ANO10: variants seen among roughly 807,000 people sequenced by gnomAD.
The protein encoded by ANO10 is anoctamin-10.
A neutral mutation model predicts 74.7 loss-of-function variants in ANO10; 77 were observed. That is an observed-to-expected ratio of 1.03 (90% confidence interval 0.86 to 1.25). The LOEUF is 1.25. Ranked by LOEUF, ANO10 falls within the 50% of genes most tolerant of loss-of-function variation. The probability of loss-of-function intolerance (pLI) is 0.00; values close to 1 mark genes in which losing one functional copy is unlikely to be tolerated. For missense variants in ANO10, 721 were observed against 778.1 expected, an observed-to-expected ratio of 0.93 and a Z score of 0.87; for synonymous variants, 279 against 284.9, an observed-to-expected ratio of 0.98 and a Z score of 0.21.
intron 9 of ANO10, among the ~76,000 whole-genome samples, chr3:43,556,372 T>C (rs2079749629): frequency 6.6e-6 from 1 of 152,190 alleles, no homozygotes; most frequent in South Asian, 2.1e-4. Context: ...CTGAAAATCA[T>C]GCAAAGGCCT....
intron 11 of ANO10, among the ~76,000 whole-genome samples, chr3:43,470,241 C>T (rs759860785): frequency 6.6e-6 from 1 of 152,146 alleles, no homozygotes; most frequent in Non-Finnish European, 1.5e-5. Context: ...GAAAAGGCTA[C>T]CTACTGAATG....
At chr3:43,595,675 G>GT (rs1306502344) in intron 4 of ANO10, among the ~76,000 whole-genome samples, 1 of 152,110 alleles carries the variant, frequency 6.6e-6, no homozygotes, top group African/African-American at 2.4e-5. Context: ...GGCAAAAACT[G>GT]TAAGTATTCC....
upstream of ANO10, among the ~76,000 whole-genome samples, chr3:43,622,952 G>T (rs565968618): frequency 1.2e-4 from 19 of 152,270 alleles, 2 homozygotes; most frequent in South Asian, 3.5e-3. Flanking sequence ...TGCAACCTCC[G>T]CCTCCCGGGT....
In ANO10 at chr3:43,403,733, A is replaced by C. The variant is rs868754498; in HGVS notation, c.1914+28878T>G. Among the ~76,000 whole-genome samples, 6 of 152,384 alleles carry C rather than the reference A, an allele frequency of 3.9e-5. 1 individual carries two copies. In the South Asian group the frequency reaches 1.2e-3, roughly 32 times the overall value. ...TATTTTAAATAGGCTTGGTCAGCTT[A>C]CCTATAAGCTTAACTATAAATATCA... On this transcript the variant is annotated intron_variant, in intron 12 of 12. Transcript: ENST00000292246.
intron 7 of ANO10, among the ~76,000 whole-genome samples, chr3:43,567,100 GAATGA>G (rs1302040951): frequency 6.6e-6 from 1 of 152,074 alleles, no homozygotes; most frequent in Non-Finnish European, 1.5e-5. Context: ...AAGATGAAAT[GAATGA>G]AATGAAGTGA....
At chr3:43,595,592 G>T (rs1458299825) in intron 4 of ANO10, among the ~76,000 whole-genome samples, 1 of 152,156 alleles carries the variant, frequency 6.6e-6, no homozygotes, top group Non-Finnish European at 1.5e-5. Context: ...CAATAAATTA[G>T]GTACTGATGG....
chr3:43,614,720 T>A (rs1269501613), intron 1 of ANO10, among the ~76,000 whole-genome samples: 2 of 139,744 alleles, frequency 1.4e-5, no homozygotes, highest in Admixed American at 7.5e-5. Flanking sequence ...CTCTTCAACA[T>A]AACAATGCTA....
chr3:43,572,797 C>G (rs1026673749), intron 7 of ANO10, among the ~76,000 whole-genome samples: 3 of 152,100 alleles, frequency 2.0e-5, no homozygotes, highest in Admixed American at 1.3e-4. Context: ...GGTGTGAGTG[C>G]TTAATTACTG....
At chr3:43,440,231 T>G (rs2093139121) in intron 11 of ANO10, among the ~76,000 whole-genome samples, 1 of 151,908 alleles carries the variant, frequency 6.6e-6, no homozygotes, top group Non-Finnish European at 1.5e-5. Flanking sequence ...TGGGTTAAAC[T>G]CCCTGATCAA....
chr3:43,671,307 T>C (rs1158066966), intron 1 of ANO10, among the ~76,000 whole-genome samples: 1 of 152,170 alleles, frequency 6.6e-6, no homozygotes, highest in Non-Finnish European at 1.5e-5. Flanking sequence ...GGAATTATTA[T>C]ACTCCATGTA....
At chr3:43,589,863 A>G (rs2081646953) in intron 4 of ANO10, among the ~76,000 whole-genome samples, 1 of 152,226 alleles carries the variant, frequency 6.6e-6, no homozygotes, top group African/African-American at 2.4e-5. Context: ...TTCTACAATA[A>G]TGATCAAAAT....
At chr3:43,480,204 C>A (rs868769142) in intron 11 of ANO10, among the ~76,000 whole-genome samples, 6 of 151,812 alleles carry the variant, frequency 4.0e-5, no homozygotes, top group African/African-American at 1.2e-4. Flanking sequence ...CAAGGAGACA[C>A]AAAAATAGGG....
chr3:43,464,664 C>A (rs1559573078), intron 11 of ANO10, among the ~76,000 whole-genome samples: 1 of 151,908 alleles, frequency 6.6e-6, no homozygotes, highest in Admixed American at 6.6e-5. Context: ...AGGTGACAGA[C>A]AGAGACCCCA....
Position 43,542,369 on chromosome 3 carries a change from T to A in ANO10, c.1797+7351A>T, listed in dbSNP as rs143993090. On this transcript the variant is annotated intron_variant, in intron 11 of 12. Coordinates refer to ENST00000292246, the MANE Select transcript of ANO10 (RefSeq NM_018075.5). ...GAGAAGAAAACAGCCATGCCACAGATAGAAGGTACGTAAGAGAGGGAGATA... is the reference window on the plus strand; with the variant it reads ...GAGAAGAAAACAGCCATGCCACAGAAAGAAGGTACGTAAGAGAGGGAGATA... Among the ~76,000 whole-genome samples, 730 of 152,156 alleles carry A rather than the reference T, an allele frequency of 4.8e-3. 6 individuals carry two copies. Among genetic ancestry groups the A allele is most frequent in the South Asian group, 7.9e-3 (38 of 4,820 alleles).
At chr3:43,366,999 G>C (rs1017133929) in intron 12 of ANO10, 25 bp from the exon 13 acceptor site, 10 of 1,582,010 alleles carry the variant, frequency 6.3e-6, no homozygotes, top group Non-Finnish European at 7.7e-6. Context: ...CAGGACACCA[G>C]GTGAGCCACA....
intron 11 of ANO10, among the ~76,000 whole-genome samples, chr3:43,476,166 T>C (rs551494915): frequency 2.1e-4 from 32 of 152,332 alleles, no homozygotes; most frequent in African/African-American, 7.7e-4. Flanking sequence ...AGTATTTTTT[T>C]CTGTTAGCTT....
At chr3:43,592,634 T>C (rs1415818522) in intron 4 of ANO10, among the ~76,000 whole-genome samples, 1 of 152,092 alleles carries the variant, frequency 6.6e-6, no homozygotes, top group Admixed American at 6.5e-5. Flanking sequence ...GATAAAATCA[T>C]AAAGATGGAG....
intron 12 of ANO10, among the ~76,000 whole-genome samples, chr3:43,411,351 C>T (rs1258289569): frequency 1.3e-5 from 2 of 152,172 alleles, no homozygotes; most frequent in South Asian, 2.1e-4. Context: ...ATTTTCTTTA[C>T]AGCCCTTCAA....
chr3:43,409,680 G>A lies in ANO10; in HGVS notation c.1914+22931C>T, dbSNP rs562351854. 4.1e-4 allele frequency among the ~76,000 whole-genome samples: 63 copies of A among 152,196 alleles called. No individual in the cohort carries two copies. The Middle Eastern group carries it at 0.014, about 33-fold the overall frequency. ...TTCATGTTACTTACAGCTAATTACC[G>A]CAAAGAACTGGAATGAATTTTTACC... On this transcript the variant is annotated intron_variant, in intron 12 of 12. Transcript: ENST00000292246.
Sources: allele counts gnomAD v4.1 joint callset (sites outside exome capture counted in the v4.1 genomes callset), GRCh38; gene constraint gnomAD v4.1.1; transcripts MANE v1.5; gene names NCBI Gene and HGNC (gene_info 2026-07-23, HGNC 2026-07-21).